The following REXO5 variants were observed in gnomAD, a reference collection of about 807,000 sequenced individuals.
REXO5 encodes the protein RNA exonuclease 5.
In REXO5, 48 loss-of-function variants were observed where a neutral mutation model predicts 88.5. That is an observed-to-expected ratio of 0.54 (90% CI 0.43 to 0.69). REXO5 has a LOEUF of 0.69. Among genes scored for constraint, REXO5 ranks in the 30% least tolerant of loss-of-function variants. The probability of loss-of-function intolerance (pLI) is 0.00; values close to 1 mark genes in which losing one functional copy is unlikely to be tolerated. For missense variants in REXO5, 749 were observed against 912.2 expected, an observed-to-expected ratio of 0.82 and a Z score of 2.30; for synonymous variants, 311 against 336.5, an observed-to-expected ratio of 0.92 and a Z score of 0.83.
intron 13 of REXO5, among the ~76,000 whole-genome samples, chr16:20,837,480 CCTAT>C (rs1360784122): frequency 1.3e-5 from 2 of 152,164 alleles, no homozygotes; most frequent in Non-Finnish European, 1.5e-5. Flanking sequence ...TCCCCGCTGG[CCTAT>C]CTTTCATTCA....
In REXO5 at chr16:20,814,700, G is replaced by A. The variant is rs144562207; in HGVS notation, c.252-227G>A. 4.2e-3 allele frequency among the ~76,000 whole-genome samples: 641 copies of A among 152,284 alleles called. 11 individuals carry two copies. The highest frequency in any genetic ancestry group is 0.015 in the African/African-American group (614 of 41,556). On this transcript the variant is annotated intron_variant, in intron 3 of 19. Transcript: ENST00000261377. Reference sequence around the variant, plus strand: ...ATTTAAATGCATTGCATTTTGCTTGGTATTTTACTGGATTTGAATACAACA... The same window carrying A: ...ATTTAAATGCATTGCATTTTGCTTGATATTTTACTGGATTTGAATACAACA...
At chr16:20,810,738 C>T (rs553788579) in intron 2 of REXO5, among the ~76,000 whole-genome samples, 50 of 152,222 alleles carry the variant, frequency 3.3e-4, no homozygotes, top group African/African-American at 1.2e-3. Flanking sequence ...ATGAGAAACC[C>T]GACACCCAAC....
chr16:20,834,884 T>C (rs967319849), intron 13 of REXO5, among the ~76,000 whole-genome samples: 21 of 152,348 alleles, frequency 1.4e-4, no homozygotes, highest in Middle Eastern at 3.4e-3. Context: ...TTACAATAAC[T>C]ATTTTAACAT....
In REXO5 at chr16:20,815,218, C is replaced by T. The variant is rs540277167; in HGVS notation, c.378+165C>T. 3.3e-5 allele frequency among the ~76,000 whole-genome samples: 5 copies of T among 152,278 alleles called. No homozygotes were observed. In the South Asian group the frequency reaches 1.0e-3, roughly 32 times the overall value. ...CTCATGTAGATTTGTCTCTGATTTT[C>T]TTTGGAAATCTAGGCAAACTCTTAT... On this transcript the variant is annotated intron_variant, in intron 4 of 19. Transcript: ENST00000261377.
At chr16:20,814,756 T>A (rs1008881408) in intron 3 of REXO5, among the ~76,000 whole-genome samples, 171 bp from the exon 4 acceptor site, 13 of 152,216 alleles carry the variant, frequency 8.5e-5, no homozygotes, top group Non-Finnish European at 1.9e-4. Flanking sequence ...TTTATTTGAA[T>A]TCTGTGCAAT....
intron 5 of REXO5, chr16:20,820,996 C>G (rs1477228931): frequency 1.3e-5 from 2 of 152,114 alleles, no homozygotes; most frequent in African/African-American, 2.4e-5. Flanking sequence ...GATGATCTCT[C>G]TTGAGCCAGG....
intron 6 of REXO5, among the ~76,000 whole-genome samples, 190 bp downstream of exon 6, chr16:20,822,092 A>G (rs547230891): frequency 5.4e-4 from 82 of 152,324 alleles, no homozygotes; most frequent in Non-Finnish European, 8.4e-4. Flanking sequence ...CGTGATTGGC[A>G]AAGTGATGAT....
intron 13 of REXO5, among the ~76,000 whole-genome samples, chr16:20,836,246 G>A (rs1230040219): frequency 1.3e-5 from 2 of 152,086 alleles, no homozygotes; most frequent in Non-Finnish European, 2.9e-5. Flanking sequence ...TACCATTATA[G>A]TATCATACAG....
intron 11 of REXO5, 142 bp downstream of exon 11, chr16:20,828,679 A>G: frequency 1.7e-6 from 1 of 602,922 alleles, no homozygotes; most frequent in South Asian, 1.8e-5. Flanking sequence ...CTGTAATCCC[A>G]GCACTTTGGG....
intron 11 of REXO5, 44 bp downstream of exon 11, chr16:20,828,581 G>T: frequency 7.6e-7 from 1 of 1,308,666 alleles, no homozygotes; most frequent in South Asian, 1.2e-5. Flanking sequence ...TTAAAATCAT[G>T]GGACTAGATC....
intron 19 of REXO5, among the ~76,000 whole-genome samples, chr16:20,847,472 G>A (rs750051305): frequency 6.6e-6 from 1 of 151,840 alleles, no homozygotes; most frequent in African/African-American, 2.4e-5. Flanking sequence ...TACATTCTAG[G>A]AGTTGACAGA....
chr16:20,807,759 AAAAC>A (rs1176795201), intron 2 of REXO5, among the ~76,000 whole-genome samples: 1 of 149,774 alleles, frequency 6.7e-6, no homozygotes, highest in African/African-American at 2.5e-5. Flanking sequence ...AACAAAAAAC[AAAAC>A]AAAAAAAAAA....
chr16:20,840,632 A>T (rs773301705), intron 15 of REXO5, among the ~76,000 whole-genome samples, 164 bp downstream of exon 15: 3 of 152,196 alleles, frequency 2.0e-5, no homozygotes, highest in Non-Finnish European at 4.4e-5. Context: ...ACAAGAATGT[A>T]TACCCAGTAT....
rs549895701 is a variant in REXO5, at chr16:20,828,732, G to C, written c.1158+195G>C. On this transcript the variant is annotated intron_variant, in intron 11 of 19. Coordinates refer to ENST00000261377, the MANE Select transcript of REXO5 (RefSeq NM_030941.3). ...TCACCAGGTCAGGAGTTCGAGACCA[G>C]CCTGGCCAATATGGTGAAACCCCGT... Among the ~76,000 whole-genome samples the C allele has an allele frequency of 1.3e-3, 205 of 152,130 alleles. 1 individual carries two copies. The highest frequency in any genetic ancestry group is 4.7e-3 in the African/African-American group (197 of 41,496).
chr16:20,845,305 T>A, intron 18 of REXO5, 64 bp downstream of exon 18: 1 of 1,414,530 alleles, frequency 7.1e-7, no homozygotes, highest in Non-Finnish European at 9.5e-7. Context: ...CACTTAATCC[T>A]TTAATCTTTT....
intron 12 of REXO5, 79 bp downstream of exon 12, chr16:20,832,338 T>G: frequency 1.1e-6 from 1 of 898,458 alleles, no homozygotes; most frequent in Non-Finnish European, 1.7e-6. Context: ...GAGAATGTTT[T>G]TATCCTCTTT....
At chr16:20,841,595 C>T (rs1001012139) in intron 15 of REXO5, among the ~76,000 whole-genome samples, 5 of 152,106 alleles carry the variant, frequency 3.3e-5, no homozygotes, top group Non-Finnish European at 7.4e-5. Context: ...ATGGCTGTCT[C>T]TAAATTTTTT....
At chr16:20,813,351 T>TTTTTC in intron 3 of REXO5, 49 bp downstream of exon 3, 1 of 860,488 alleles carries the variant, frequency 1.2e-6, no homozygotes, top group Non-Finnish European at 1.7e-6. Flanking sequence ...TTTCTTTTTT[T>TTTTTC]TTTTTTTTTT....
intron 5 of REXO5, among the ~76,000 whole-genome samples, 167 bp downstream of exon 5, chr16:20,816,379 A>G (rs1232166392): frequency 1.3e-5 from 2 of 151,806 alleles, no homozygotes; most frequent in African/African-American, 2.4e-5. Flanking sequence ...GTGTGAGTGC[A>G]GTGGCGTGAT....
Sources: gnomAD v4.1 joint callset for allele counts (sites outside exome capture counted in the v4.1 genomes callset) on GRCh38, gnomAD v4.1.1 for gene constraint, MANE v1.5 for transcripts, NCBI Gene and HGNC (gene_info 2026-07-23, HGNC 2026-07-21) for gene names.